IQCJ: variants seen among roughly 807,000 people sequenced by gnomAD.
IQCJ encodes the protein IQ domain-containing protein J.
IQCJ carries 9 observed loss-of-function variants against 11.0 expected under a neutral mutation model. The observed-to-expected ratio is 0.82, with a 90% CI of 0.49 to 1.43. The LOEUF is 1.43. Among genes scored for constraint, IQCJ ranks in the 40% most tolerant of loss-of-function variants. The pLI is 0.00. For synonymous variants in IQCJ, 55 were observed against 51.3 expected, an observed-to-expected ratio of 1.07 and a Z score of -0.31; for missense variants, 146 against 133.2, an observed-to-expected ratio of 1.10 and a Z score of -0.47.
At chr3:159,154,359 A>T (rs1312005834) in intron 1 of IQCJ, among the ~76,000 whole-genome samples, 1 of 152,232 alleles carries the variant, frequency 6.6e-6, no homozygotes, top group East Asian at 1.9e-4. Flanking sequence ...TTGATTTATC[A>T]TCAAGAGATG....
intron 1 of IQCJ, among the ~76,000 whole-genome samples, chr3:159,144,687 CACAG>C (rs1345875736): frequency 4.3e-5 from 6 of 140,482 alleles, no homozygotes; most frequent in African/African-American, 1.0e-4. Flanking sequence ...CACACACACA[CACAG>C]AGTTCCTGCT....
intron 1 of IQCJ, among the ~76,000 whole-genome samples, chr3:159,233,948 C>T (rs1025788479): frequency 2.0e-5 from 3 of 152,228 alleles, no homozygotes; most frequent in Admixed American, 6.5e-5. Context: ...AATTAGATGA[C>T]GCATCTAATT....
intron 1 of IQCJ, among the ~76,000 whole-genome samples, chr3:159,114,611 C>A (rs1434660748): frequency 6.6e-6 from 1 of 152,104 alleles, no homozygotes; most frequent in Non-Finnish European, 1.5e-5. Flanking sequence ...TGCACCCAGC[C>A]CTAAAAGGTT....
chr3:159,193,984 T>A (rs1266087278), intron 1 of IQCJ, among the ~76,000 whole-genome samples: 1 of 152,210 alleles, frequency 6.6e-6, no homozygotes, highest in African/African-American at 2.4e-5. Flanking sequence ...TCAAGGGGTA[T>A]AGATGTCCAA....
intron 1 of IQCJ, among the ~76,000 whole-genome samples, chr3:159,131,902 T>C (rs1720012124): frequency 6.6e-6 from 1 of 152,022 alleles, no homozygotes; most frequent in African/African-American, 2.4e-5. Context: ...AGTACCTTCT[T>C]TTTATTCCTT....
At chr3:159,166,975 T>G (rs1344107979) in intron 1 of IQCJ, among the ~76,000 whole-genome samples, 1 of 152,214 alleles carries the variant, frequency 6.6e-6, no homozygotes, top group African/African-American at 2.4e-5. Context: ...GCCTATATCA[T>G]AAAATTAAAT....
chr3:159,217,624 A>G (rs1169618837), intron 1 of IQCJ, among the ~76,000 whole-genome samples: 1 of 152,136 alleles, frequency 6.6e-6, no homozygotes, highest in Non-Finnish European at 1.5e-5. Context: ...TCCTGTACAT[A>G]TCTTGTCCTT....
chr3:159,196,701 T>C (rs774906225), intron 1 of IQCJ, among the ~76,000 whole-genome samples: 22 of 152,196 alleles, frequency 1.4e-4, no homozygotes, highest in Non-Finnish European at 2.4e-4. Flanking sequence ...CCCAGTCTTA[T>C]TACTGCCCTA....
intron 3 of IQCJ, among the ~76,000 whole-genome samples, chr3:159,254,013 C>A (rs1325034873): frequency 1.3e-5 from 2 of 152,206 alleles, no homozygotes; most frequent in Admixed American, 1.3e-4. Flanking sequence ...GGGTGCCCAG[C>A]TACAAAGTTC....
intron 1 of IQCJ, among the ~76,000 whole-genome samples, chr3:159,180,324 C>CAT (rs1216789107): frequency 1.3e-5 from 2 of 152,118 alleles, no homozygotes; most frequent in East Asian, 3.8e-4. Context: ...GTCACACACA[C>CAT]ATATACACAC....
In IQCJ at chr3:159,125,265, C is replaced by G. The variant is rs139236334; in HGVS notation, c.9+55824C>G. Among the ~76,000 whole-genome samples, 221 of 152,222 alleles carry G rather than the reference C, an allele frequency of 1.5e-3. 3 individuals carry two copies. The highest frequency in any genetic ancestry group is 0.011 in the Admixed American group (163 of 15,290). On this transcript the variant is annotated intron_variant, in intron 1 of 3. Transcript: ENST00000397832. ...CAATTCCGAGACATTCTACAAAATA[C>G]CTGACCAGCACTTCTCAAAACTAAC...
intron 1 of IQCJ, among the ~76,000 whole-genome samples, chr3:159,170,208 A>T (rs1722414721): frequency 6.6e-6 from 1 of 152,138 alleles, no homozygotes; most frequent in Admixed American, 6.6e-5. Context: ...AGGTCAAGGA[A>T]CTCAAGTTAG....
chr3:159,219,343 T>G (rs1159490727), intron 1 of IQCJ, among the ~76,000 whole-genome samples: 2 of 152,104 alleles, frequency 1.3e-5, no homozygotes, highest in Non-Finnish European at 2.9e-5. Flanking sequence ...AATTATGGCA[T>G]AGGAAGGATG....
intron 1 of IQCJ, among the ~76,000 whole-genome samples, chr3:159,183,595 G>T (rs1282689569): frequency 1.3e-5 from 2 of 152,160 alleles, no homozygotes; most frequent in African/African-American, 4.8e-5. Context: ...AATAAGCCTT[G>T]AAATATCAAA....
intron 1 of IQCJ, among the ~76,000 whole-genome samples, chr3:159,171,764 CTT>C (rs1328507896): frequency 6.6e-6 from 1 of 152,198 alleles, no homozygotes; most frequent in Non-Finnish European, 1.5e-5. Context: ...GATTCTCAGA[CTT>C]GGGTGTGAAT....
At chr3:159,184,426 AT>A (rs1020562284) in intron 1 of IQCJ, among the ~76,000 whole-genome samples, 2 of 152,104 alleles carry the variant, frequency 1.3e-5, no homozygotes, top group Admixed American at 6.5e-5. Flanking sequence ...GCTCTTCTCA[AT>A]GTCTAAACTT....
chr3:159,189,563 T>A (rs1270354025), intron 1 of IQCJ, among the ~76,000 whole-genome samples: 2 of 152,168 alleles, frequency 1.3e-5, no homozygotes, highest in Non-Finnish European at 2.9e-5. Flanking sequence ...GAGTAGACAA[T>A]GAAGCTCTAG....
At chr3:159,088,106 C>G (rs35351947) in intron 1 of IQCJ, among the ~76,000 whole-genome samples, 30,338 of 152,034 alleles carry the variant, frequency 0.2, 3,570 homozygotes, top group South Asian at 0.35. Context: ...CCCAGAGATT[C>G]TGGTATGTTG....
chr3:159,160,629 C>T (rs1721788607), intron 1 of IQCJ, among the ~76,000 whole-genome samples: 1 of 151,084 alleles, frequency 6.6e-6, no homozygotes, highest in South Asian at 2.1e-4. Flanking sequence ...TGTGCTGCAC[C>T]CATTAACTCG....
Sources: allele counts gnomAD v4.1 joint callset (sites outside exome capture counted in the v4.1 genomes callset), GRCh38; gene constraint gnomAD v4.1.1; transcripts MANE v1.5; gene names NCBI Gene and HGNC (gene_info 2026-07-23, HGNC 2026-07-21).